EHF: variants seen among roughly 807,000 people sequenced by gnomAD.
EHF encodes ESE3 transcription factor.
In EHF, 14 loss-of-function variants were observed where a neutral mutation model predicts 45.1. The observed-to-expected ratio is 0.31, with a 90% CI of 0.21 to 0.49. The LOEUF (loss-of-function observed/expected upper bound fraction) is 0.49. EHF is among the 20% of genes least tolerant of loss of function. EHF has a pLI of 0.99. For missense variants in EHF, 282 were observed against 371.4 expected, an observed-to-expected ratio of 0.76 and a Z score of 1.98; for synonymous variants, 136 against 131.8, an observed-to-expected ratio of 1.03 and a Z score of -0.22.
intron 1 of EHF, among the ~76,000 whole-genome samples, chr11:34,638,180 G>A (rs1853639387): frequency 1.3e-5 from 2 of 152,242 alleles, no homozygotes; most frequent in Non-Finnish European, 2.9e-5. Context: ...GGGATTACAG[G>A]CGTGAGCCAT....
intron 8 of EHF, 38 bp from the exon 9 acceptor site, chr11:34,658,794 A>G: frequency 6.2e-7 from 1 of 1,607,374 alleles, no homozygotes; most frequent in Non-Finnish European, 8.5e-7. Context: ...AGCAACCTTC[A>G]TCGGATCAGT....
intron 1 of EHF, among the ~76,000 whole-genome samples, chr11:34,640,191 A>AG (rs898793749): frequency 6.6e-6 from 1 of 152,148 alleles, no homozygotes; most frequent in Admixed American, 6.5e-5. Flanking sequence ...CACAGTAAGC[A>AG]GGGGAACTGG....
Position 34,659,295 on chromosome 11 carries a change from G to A in EHF, c.*364G>A, listed in dbSNP as rs992116116. 8 of 177,374 alleles carry A rather than the reference G, an allele frequency of 4.5e-5. No individual in the cohort carries two copies. The South Asian group carries it at 8.6e-4, about 19-fold the overall frequency. The allele number at this position is 177,374 out of a possible 1,614,324, so 11.0% of individuals were successfully genotyped here. ...AAAACAAAATCAGAGGGCATTAAATGTTTTGTATGTGACATGATTTAGAAA... is the reference window on the plus strand; with the variant it reads ...AAAACAAAATCAGAGGGCATTAAATATTTTGTATGTGACATGATTTAGAAA... On this transcript the variant is annotated 3_prime_UTR_variant, in exon 9 of 9. Transcript: ENST00000257831.
intron 1 of EHF, chr11:34,632,348 C>A: frequency 1.3e-6 from 1 of 772,718 alleles, no homozygotes; most frequent in Non-Finnish European, 1.9e-6. Flanking sequence ...GAAGCCCCTG[C>A]CAGCAACTGA....
At chr11:34,645,193 G>T (rs532754221) in intron 2 of EHF, among the ~76,000 whole-genome samples, 1 of 152,048 alleles carries the variant, frequency 6.6e-6, no homozygotes. Flanking sequence ...TTCCATTGCC[G>T]CAGAACTTCG....
intron 1 of EHF, chr11:34,622,269 T>C (rs968239322): frequency 3.2e-6 from 1 of 310,762 alleles, no homozygotes; most frequent in African/African-American, 2.2e-5. Flanking sequence ...GTTTTTAAGA[T>C]GGAGAGTGTA....
intron 7 of EHF, 22 bp downstream of exon 7, chr11:34,656,992 T>C (rs1489623008): frequency 1.2e-6 from 2 of 1,612,636 alleles, no homozygotes; most frequent in Non-Finnish European, 1.7e-6. Flanking sequence ...GGCTTTCAGA[T>C]GGCCTTTGGT....
In EHF at chr11:34,623,047, A is replaced by AT. The variant is rs997664101; in HGVS notation, c.-4+1826dup. 5.2e-4 allele frequency among the ~76,000 whole-genome samples: 79 copies of AT among 151,974 alleles called. 1 individual carries two copies. Among genetic ancestry groups the AT allele is most frequent in the Admixed American group, 2.2e-3 (34 of 15,282 alleles). ...AGGCTCAAATTCAATTGTATTTGTTATTTTTTTGGTTAAAAAGCACCTATT... is the reference window on the plus strand; with the variant it reads ...AGGCTCAAATTCAATTGTATTTGTTATTTTTTTTGGTTAAAAAGCACCTATT... On this transcript the variant is annotated intron_variant, in intron 1 of 8. Transcript: ENST00000257831.
chr11:34,650,369 C>A (rs527876169), intron 4 of EHF, among the ~76,000 whole-genome samples: 5 of 152,260 alleles, frequency 3.3e-5, no homozygotes, highest in Admixed American at 2.0e-4. Flanking sequence ...AACAGGTGTA[C>A]AAGGTGACCC....
Position 34,660,623 on chromosome 11 carries a change from C to T in EHF, c.*1692C>T, listed in dbSNP as rs1245874461. 1 of 152,192 alleles carries T rather than the reference C, an allele frequency of 6.6e-6. No homozygotes were observed. The highest frequency in any genetic ancestry group is 1.9e-4 in the East Asian group (1 of 5,204). The allele number at this position is 152,192 out of a possible 1,614,324, so 9.4% of individuals were successfully genotyped here. On this transcript the variant is annotated 3_prime_UTR_variant, in exon 9 of 9. Transcript: ENST00000257831. ...TGGGAAGCACAGGAATAAGTAGACA[C>T]TTTGAAAATGGATTTGAATGTTCTC...
At position 34,656,877 on chromosome 11, in the gene EHF, T is replaced by C. The variant is rs1322804584; in HGVS notation, c.545-31T>C. 4 of 1,609,108 alleles carry C rather than the reference T, an allele frequency of 2.5e-6. No individual in the cohort carries two copies. The African/African-American group carries it at 5.4e-5, about 22-fold the overall frequency. ...AAAAAAGAGAATTATAGGAAATAGG[T>C]CAATTAAACGCCTCTCATTTTTCTC... On this transcript the variant is annotated intron_variant, in intron 6 of 8. Transcript: ENST00000257831.
Position 34,635,335 on chromosome 11 carries a change from C to T in EHF, c.-3-7293C>T, listed in dbSNP as rs139180220. Reference sequence around the variant, plus strand: ...CTTGGGCTTGTTAGGAATCCCGAGGCTGAGCAGAGCCTCCTGGGTCTTGGG... The same window carrying T: ...CTTGGGCTTGTTAGGAATCCCGAGGTTGAGCAGAGCCTCCTGGGTCTTGGG... On this transcript the variant is annotated intron_variant, in intron 1 of 8. Coordinates refer to ENST00000257831, the MANE Select transcript of EHF (RefSeq NM_012153.6). 1.9e-3 allele frequency among the ~76,000 whole-genome samples: 288 copies of T among 152,080 alleles called. 2 individuals are homozygous for T. Among genetic ancestry groups the T allele is most frequent in the Non-Finnish European group, 3.3e-3 (225 of 67,980 alleles).
chr11:34,623,137 G>A (rs1257773876), intron 1 of EHF, among the ~76,000 whole-genome samples: 4 of 152,072 alleles, frequency 2.6e-5, no homozygotes, highest in Admixed American at 6.6e-5. Flanking sequence ...CCAGCCTGGA[G>A]TGCAGTGGCA....
At chr11:34,645,868 G>A (rs1001674867) in intron 2 of EHF, among the ~76,000 whole-genome samples, 1 of 152,186 alleles carries the variant, frequency 6.6e-6, no homozygotes, top group Non-Finnish European at 1.5e-5. Flanking sequence ...GTAGGGAAGT[G>A]ACATCATGAT....
chr11:34,630,406 A>G (rs926976949), intron 1 of EHF, among the ~76,000 whole-genome samples: 1 of 152,248 alleles, frequency 6.6e-6, no homozygotes, highest in African/African-American at 2.4e-5. Context: ...TGTAATGACT[A>G]GTTCTATTTC....
chr11:34,659,156 C>T lies in EHF; in HGVS notation c.*225C>T. 2.4e-6 allele frequency: 1 copy of T among 422,404 alleles called. No homozygotes were observed. 26.2% of individuals were successfully genotyped at this position (422,404 alleles called of 1,614,324 possible). A position where few individuals can be genotyped will look rare whatever the true frequency, so the allele number is the denominator to read the frequency against. ...ATGGGGAAAAAACGTACACAGTTTT[C>T]TGTGAAATATGATGCTGTATGTGGT... On this transcript the variant is annotated 3_prime_UTR_variant, in exon 9 of 9. Transcript: ENST00000257831.
At chr11:34,647,360 C>G (rs1281019956) in intron 3 of EHF, among the ~76,000 whole-genome samples, 5 of 152,192 alleles carry the variant, frequency 3.3e-5, no homozygotes, top group Admixed American at 3.3e-4. Flanking sequence ...TCCCCTAGCA[C>G]AGGGATGGGC....
chr11:34,656,880 A>G (rs1458351173), intron 6 of EHF, 28 bp from the exon 7 acceptor site: 1 of 1,611,042 alleles, frequency 6.2e-7, no homozygotes, highest in Admixed American at 1.7e-5. Context: ...AAATAGGTCA[A>G]TTAAACGCCT....
intron 1 of EHF, chr11:34,632,735 T>C: frequency 6.8e-7 from 1 of 1,467,286 alleles, no homozygotes; most frequent in Non-Finnish European, 9.2e-7. Flanking sequence ...AGGTGGGGAA[T>C]GAGCTCAGAT....
Sources: gnomAD v4.1 joint callset for allele counts (sites outside exome capture counted in the v4.1 genomes callset) on GRCh38, gnomAD v4.1.1 for gene constraint, MANE v1.5 for transcripts, NCBI Gene and HGNC (gene_info 2026-07-23, HGNC 2026-07-21) for gene names.